Variants in ZFHX4 observed in about 807,000 individuals in gnomAD.
The protein encoded by ZFHX4 is zinc finger homeobox 4.
ZFHX4 carries 56 observed loss-of-function variants against 267.6 expected under a neutral mutation model. That is an observed-to-expected ratio of 0.21 (90% CI 0.17 to 0.26). The LOEUF is 0.26. Among genes scored for constraint, ZFHX4 ranks in the 10% least tolerant of loss-of-function variants. ZFHX4 has a pLI of 1.00. For synonymous variants in ZFHX4, 1,778 were observed against 1,665.6 expected, an observed-to-expected ratio of 1.07 and a Z score of -1.64; for missense variants, 4,332 against 4,420.0, an observed-to-expected ratio of 0.98 and a Z score of 0.56.
chr8:76,682,530 G>T (rs927570226), intron 1 of ZFHX4: 1 of 152,352 alleles, frequency 6.6e-6, no homozygotes, highest in East Asian at 1.9e-4. Flanking sequence ...AGGCGGGATC[G>T]CCCGGCCTCT....
intron 1 of ZFHX4, among the ~76,000 whole-genome samples, chr8:76,682,898 C>T (rs1182910583): frequency 6.6e-6 from 1 of 152,118 alleles, no homozygotes; most frequent in Non-Finnish European, 1.5e-5. Context: ...ACCCCCAACC[C>T]CCTTCTCGCT....
intron 1 of ZFHX4, among the ~76,000 whole-genome samples, chr8:76,696,485 A>T (rs974068666): frequency 3.9e-5 from 6 of 152,050 alleles, no homozygotes; most frequent in Non-Finnish European, 1.5e-5. Flanking sequence ...TTGAAAAGGG[A>T]TAATATGTGG....
At chr8:76,749,584 G>C (rs995357206) in intron 3 of ZFHX4, among the ~76,000 whole-genome samples, 3 of 152,090 alleles carry the variant, frequency 2.0e-5, no homozygotes, top group Admixed American at 6.6e-5. Flanking sequence ...TTTGAATGGG[G>C]TAAAACTTCC....
rs200490034 is a variant in ZFHX4 at position 76,863,148 on chromosome 8, C to G, written c.9434C>G (p.Ser3145Cys). Reference sequence around the variant, plus strand: ...GGGTTTCCTACTTCAGCTACTTCGTCTCCTGCCCTGTCTCTCAGCAGTGCC... The same window carrying G: ...GGGTTTCCTACTTCAGCTACTTCGTGTCCTGCCCTGTCTCTCAGCAGTGCC... Reference protein sequence around the residue: ...MLGFPTSATSSPALSLSSAPT... With the variant: ...MLGFPTSATSCPALSLSSAPT... Residue 3145 changes from serine (S) to cysteine (C), a missense_variant, in exon 11 of 11, where the codon TCT (serine) becomes TGT (cysteine). Around this residue, in one of 7 missense-constraint regions of ZFHX4, gnomAD observed 1,648 missense variants for 1,625.0 expected, o/e 1.01. Transcript: ENST00000651372. 276 of 1,547,952 alleles carry G rather than the reference C, an allele frequency of 1.8e-4. No homozygotes were observed. The highest frequency in any genetic ancestry group is 2.3e-4 in the Non-Finnish European group (266 of 1,145,664).
chr8:76,837,340 A>G (rs116003200), intron 5 of ZFHX4, among the ~76,000 whole-genome samples: 1 of 152,254 alleles, frequency 6.6e-6, no homozygotes, highest in African/African-American at 2.4e-5. Flanking sequence ...ACATCGGTCG[A>G]GCAAAGGAAG....
intron 5 of ZFHX4, among the ~76,000 whole-genome samples, chr8:76,834,622 A>G (rs920814197): frequency 2.6e-5 from 4 of 152,030 alleles, no homozygotes; most frequent in Non-Finnish European, 4.4e-5. Context: ...GAGTTGTAAG[A>G]GTTCTTTGTA....
intron 6 of ZFHX4, among the ~76,000 whole-genome samples, chr8:76,844,687 G>A (rs1308280037): frequency 6.6e-6 from 1 of 152,108 alleles, no homozygotes; most frequent in African/African-American, 2.4e-5. Flanking sequence ...TATAATGGTA[G>A]TTATTTAAAA....
intron 3 of ZFHX4, among the ~76,000 whole-genome samples, chr8:76,712,420 A>G (rs969750150): frequency 2.0e-5 from 3 of 152,162 alleles, no homozygotes; most frequent in South Asian, 2.1e-4. Context: ...GTAGGAAATA[A>G]TAACCCGATC....
intron 3 of ZFHX4, among the ~76,000 whole-genome samples, chr8:76,761,353 T>C (rs1008362384): frequency 6.6e-6 from 1 of 152,228 alleles, no homozygotes; most frequent in Non-Finnish European, 1.5e-5. Flanking sequence ...TGCAATACAC[T>C]TGAAACTGTG....
Position 76,801,586 on chromosome 8 carries a change from T to C in ZFHX4, c.3325+23147T>C, listed in dbSNP as rs542997346. Among the ~76,000 whole-genome samples the C allele has an allele frequency of 1.1e-4, 16 of 152,280 alleles. No individual in the cohort carries two copies. The East Asian group carries it at 1.5e-3, about 15-fold the overall frequency. On this transcript the variant is annotated intron_variant, in intron 4 of 10. Coordinates refer to ENST00000651372, the MANE Select transcript of ZFHX4 (RefSeq NM_024721.5). ...GCCTATTGTTCTCTTCTAACCAAAA[T>C]AGAAAGAATTCCATATGGGCCAGCT...
chr8:76,697,555 T>C (rs1455026983), intron 1 of ZFHX4, among the ~76,000 whole-genome samples: 1 of 152,014 alleles, frequency 6.6e-6, no homozygotes, highest in Non-Finnish European at 1.5e-5. Context: ...AAATGATCGA[T>C]GCGGTTCATG....
intron 1 of ZFHX4, chr8:76,693,361 T>C (rs1471634443): frequency 6.6e-6 from 1 of 152,186 alleles, no homozygotes; most frequent in Non-Finnish European, 1.5e-5. Context: ...GAAATCTAAA[T>C]GGCTTTTTAT....
intron 3 of ZFHX4, among the ~76,000 whole-genome samples, chr8:76,737,764 C>A (rs1809204382): frequency 2.0e-5 from 3 of 152,130 alleles, no homozygotes. Flanking sequence ...TATATGGAGA[C>A]AAGCTAATTG....
At position 76,707,716 on chromosome 8, in the gene ZFHX4, A is replaced by G. The variant is rs764774396; in HGVS notation, c.2761A>G (p.Ser921Gly). 1.2e-6 allele frequency: 2 copies of G among 1,613,768 alleles called. No homozygotes were observed. Among genetic ancestry groups the G allele is most frequent in the Non-Finnish European group, 1.7e-6 (2 of 1,179,880 alleles). The stretch of plus-strand genomic sequence containing the variant: ...CACCTCTGACAGCCTGGAGGCCCTA[A>G]GTGTGCATGTGAGCAGTGAGCGCTC... ...KFTSDSLEAL[S>G]VHVSSERSLP... Residue 921 changes from serine (S) to glycine (G), a missense_variant, in exon 3 of 11, where the codon AGT becomes GGT. Physicochemically the swap from Ser to Gly is moderately conservative, Grantham distance 56 (BLOSUM62 0). Around this residue, in one of 7 missense-constraint regions of ZFHX4, gnomAD observed 1,195 missense variants for 1,173.6 expected, o/e 1.02. Coordinates refer to ENST00000651372, the MANE Select transcript of ZFHX4 (RefSeq NM_024721.5).
chr8:76,791,891 A>G (rs949559945), intron 4 of ZFHX4, among the ~76,000 whole-genome samples: 5 of 152,144 alleles, frequency 3.3e-5, no homozygotes, highest in African/African-American at 9.7e-5. Flanking sequence ...ACCTTACACC[A>G]CTCAATGTAT....
At chr8:76,730,808 G>T (rs1294818455) in intron 3 of ZFHX4, among the ~76,000 whole-genome samples, 2 of 152,110 alleles carry the variant, frequency 1.3e-5, no homozygotes, top group African/African-American at 2.4e-5. Context: ...TACACACAAA[G>T]AACTAATAAG....
chr8:76,831,341 A>C (rs1210043344), intron 4 of ZFHX4, among the ~76,000 whole-genome samples: 2 of 152,120 alleles, frequency 1.3e-5, no homozygotes, highest in Non-Finnish European at 2.9e-5. Context: ...TTTCTGAAAA[A>C]TTATGTTGAT....
At chr8:76,845,296 T>C (rs1334100096) in intron 6 of ZFHX4, among the ~76,000 whole-genome samples, 1 of 152,116 alleles carries the variant, frequency 6.6e-6, no homozygotes, top group Non-Finnish European at 1.5e-5. Context: ...TTTAGATTAA[T>C]TATAATCCAA....
chr8:76,737,000 T>C (rs1334139138), intron 3 of ZFHX4, among the ~76,000 whole-genome samples: 1 of 152,132 alleles, frequency 6.6e-6, no homozygotes, highest in African/African-American at 2.4e-5. Context: ...TCTGCCTCCC[T>C]CCTGAAGCTG....
Sources: allele counts gnomAD v4.1 joint callset (sites outside exome capture counted in the v4.1 genomes callset), GRCh38; gene constraint gnomAD v4.1.1; regional missense constraint gnomAD v4.1.1; transcripts MANE v1.5; gene names NCBI Gene and HGNC (gene_info 2026-07-23, HGNC 2026-07-21).